Variants in PTPRD observed in about 807,000 individuals in gnomAD.
PTPRD encodes protein tyrosine phosphatase receptor type D, also known as receptor-type tyrosine-protein phosphatase delta.
A neutral mutation model predicts 214.5 loss-of-function variants in PTPRD; 34 were observed. The observed-to-expected ratio is 0.16, with a 90% CI of 0.12 to 0.21. The LOEUF is 0.21. Ranked by LOEUF, PTPRD falls within the 10% of genes least tolerant of loss-of-function variation. The pLI is 1.00. For synonymous variants in PTPRD, 1,128 were observed against 845.7 expected (o/e 1.33, Z -5.79); for missense variants, 2,545 against 2,398.7 (o/e 1.06, Z -1.27).
intron 5 of PTPRD, among the ~76,000 whole-genome samples, chr9:9,912,159 G>A (rs1293526675): frequency 6.6e-6 from 1 of 152,032 alleles, no homozygotes; most frequent in African/African-American, 2.4e-5. Flanking sequence ...ATATTTAGAA[G>A]TAAAAGTGAA....
Position 9,931,866 on chromosome 9 carries a change from G to A in PTPRD, c.-368+6641C>T, listed in dbSNP as rs370779340. Among the ~76,000 whole-genome samples, 1,316 of 150,656 alleles carry A rather than the reference G, an allele frequency of 8.7e-3. 6 individuals carry two copies. Among genetic ancestry groups the A allele is most frequent in the Non-Finnish European group, 0.014 (968 of 67,646 alleles). On this transcript the variant is annotated intron_variant, in intron 5 of 45. Coordinates refer to ENST00000381196, the MANE Select transcript of PTPRD (RefSeq NM_002839.4). Reference sequence around the variant, plus strand: ...AAGAGAGCAGTGGTTCTCCCAGCACGCAGCTGGAGATCTGAGAACGGGCAG... The same window carrying A: ...AAGAGAGCAGTGGTTCTCCCAGCACACAGCTGGAGATCTGAGAACGGGCAG...
At chr9:9,978,702 G>T (rs1481956716) in intron 4 of PTPRD, among the ~76,000 whole-genome samples, 1 of 151,470 alleles carries the variant, frequency 6.6e-6, no homozygotes, top group African/African-American at 2.4e-5. Context: ...GAGAATTTTA[G>T]AAAATTAAGG....
At chr9:9,110,381 T>C (rs2099804379) in intron 10 of PTPRD, among the ~76,000 whole-genome samples, 1 of 152,118 alleles carries the variant, frequency 6.6e-6, no homozygotes, top group African/African-American at 2.4e-5. Context: ...ACTTTGGGTG[T>C]GAGGCCCAGG....
intron 5 of PTPRD, among the ~76,000 whole-genome samples, chr9:9,795,567 C>T (rs2098996867): frequency 6.6e-6 from 1 of 152,052 alleles, no homozygotes; most frequent in Non-Finnish European, 1.5e-5. Context: ...AAAGGGACGT[C>T]AAAAGGGAGT....
rs974089964 is a variant in PTPRD, at chr9:9,140,618, G to A, written c.-143+42686C>T. ...TTTTGAGACGGAGTCTCGCTCTGTC[G>A]CCCAGGCTGGAGTGCAGAGGCGCGA... is the stretch of plus-strand genomic sequence containing the variant. On this transcript the variant is annotated intron_variant, in intron 10 of 45. Coordinates refer to ENST00000381196, the MANE Select transcript of PTPRD (RefSeq NM_002839.4). Among the ~76,000 whole-genome samples, 67 of 152,224 alleles carry A rather than the reference G, an allele frequency of 4.4e-4. 2 individuals carry two copies. Among genetic ancestry groups the A allele is most frequent in the Non-Finnish European group, 5.9e-5 (4 of 68,008 alleles).
At chr9:8,504,569 T>C (rs1411604629) in intron 22 of PTPRD, among the ~76,000 whole-genome samples, 164 bp from the exon 23 acceptor site, 1 of 152,222 alleles carries the variant, frequency 6.6e-6, no homozygotes, top group Non-Finnish European at 1.5e-5. Flanking sequence ...AAGGAAATTA[T>C]ATAATGAAAA....
chr9:9,208,964 T>A (rs10977577), intron 9 of PTPRD, among the ~76,000 whole-genome samples: 16,273 of 151,910 alleles, frequency 0.11, 983 homozygotes, highest in Middle Eastern at 0.13. Flanking sequence ...CCCGCCAATA[T>A]GCCTGGCTAA....
intron 11 of PTPRD, among the ~76,000 whole-genome samples, chr9:8,788,870 G>C (rs1306535628): frequency 6.6e-6 from 1 of 152,156 alleles, no homozygotes; most frequent in African/African-American, 2.4e-5. Context: ...ATTTAATCCA[G>C]TACAGGCAAG....
intron 11 of PTPRD, among the ~76,000 whole-genome samples, chr9:8,933,429 A>AT (rs1386760795): frequency 3.6e-5 from 5 of 140,108 alleles, no homozygotes; most frequent in Admixed American, 1.6e-4. Flanking sequence ...AAGTTTAAGC[A>AT]TTTTTTCTGA....
chr9:9,614,222 T>C (rs1301259488), intron 7 of PTPRD, among the ~76,000 whole-genome samples: 1 of 152,080 alleles, frequency 6.6e-6, no homozygotes, highest in African/African-American at 2.4e-5. Context: ...TAGATCTTTG[T>C]GGATCAATGC....
At chr9:9,106,749 T>G (rs1008425273) in intron 10 of PTPRD, among the ~76,000 whole-genome samples, 1 of 152,124 alleles carries the variant, frequency 6.6e-6, no homozygotes, top group African/African-American at 2.4e-5. Context: ...TTTAAAAAAT[T>G]TCAATACATG....
chr9:9,765,048 G>C (rs968996001), intron 6 of PTPRD, among the ~76,000 whole-genome samples: 1 of 152,118 alleles, frequency 6.6e-6, no homozygotes, highest in East Asian at 1.9e-4. Context: ...TTTGTGCCTG[G>C]AGCCATTCAT....
At chr9:8,896,717 A>T (rs2098616217) in intron 11 of PTPRD, among the ~76,000 whole-genome samples, 1 of 152,162 alleles carries the variant, frequency 6.6e-6, no homozygotes, top group African/African-American at 2.4e-5. Flanking sequence ...GCCTGCATAT[A>T]CGTAACTCCC....
chr9:10,580,004 A>G (rs573548594), intron 2 of PTPRD, among the ~76,000 whole-genome samples: 112 of 152,182 alleles, frequency 7.4e-4, no homozygotes, highest in Admixed American at 2.3e-3. Flanking sequence ...TCTAGATATT[A>G]GTTTTCACTC....
At chr9:8,843,762 A>G (rs1057454756) in intron 11 of PTPRD, among the ~76,000 whole-genome samples, 1 of 152,120 alleles carries the variant, frequency 6.6e-6, no homozygotes, top group African/African-American at 2.4e-5. Context: ...TCCCTCAAAG[A>G]GCAAGCAAAG....
chr9:9,238,403 A>T (rs931383690), intron 9 of PTPRD, among the ~76,000 whole-genome samples: 1 of 152,082 alleles, frequency 6.6e-6, no homozygotes, highest in African/African-American at 2.4e-5. Context: ...GCTGCAGGGG[A>T]TACAGACTCC....
At chr9:9,564,488 G>T (rs533299765) in intron 8 of PTPRD, among the ~76,000 whole-genome samples, 1 of 152,034 alleles carries the variant, frequency 6.6e-6, no homozygotes, top group South Asian at 2.1e-4. Flanking sequence ...AACTAAATTC[G>T]AATTTCTTAG....
chr9:9,612,695 A>G (rs923822191), intron 7 of PTPRD, among the ~76,000 whole-genome samples: 1 of 152,134 alleles, frequency 6.6e-6, no homozygotes, highest in Non-Finnish European at 1.5e-5. Flanking sequence ...AAGGAATATA[A>G]GAAAAACAAA....
At chr9:10,495,349 C>A (rs937128306) in intron 2 of PTPRD, among the ~76,000 whole-genome samples, 3 of 151,786 alleles carry the variant, frequency 2.0e-5, no homozygotes, top group African/African-American at 7.2e-5. Context: ...AATAGAAAAT[C>A]CACTTCACTC....
Sources: allele counts gnomAD v4.1 joint callset (sites outside exome capture counted in the v4.1 genomes callset), GRCh38; gene constraint gnomAD v4.1.1; transcripts MANE v1.5; gene names NCBI Gene and HGNC (gene_info 2026-07-23, HGNC 2026-07-21).